C9orf43: variants seen among roughly 807,000 people sequenced by gnomAD.
The protein encoded by C9orf43 is uncharacterized protein C9orf43.
C9orf43 carries 45 observed loss-of-function variants against 59.1 expected under a neutral mutation model. The ratio of observed to expected loss-of-function variants is 0.76; its 90% CI spans 0.60 to 0.98. The LOEUF (loss-of-function observed/expected upper bound fraction) is 0.98, where lower values mean the gene tolerates loss of function less well. Among genes scored for constraint, C9orf43 ranks in the 50% least tolerant of loss-of-function variants. The pLI is 0.00. For synonymous variants in C9orf43, 203 were observed against 196.8 expected, an observed-to-expected ratio of 1.03 and a Z score of -0.26; for missense variants, 533 against 554.9, an observed-to-expected ratio of 0.96 and a Z score of 0.40.
At chr9:113,422,412 T>G in intron 5 of C9orf43, 137 bp from the exon 6 acceptor site, 1 of 1,250,738 alleles carries the variant, frequency 8.0e-7, no homozygotes, top group South Asian at 1.5e-5. Context: ...TGATCAAAGA[T>G]AGGAATCTTT....
intron 3 of C9orf43, among the ~76,000 whole-genome samples, chr9:113,417,502 C>T (rs1360093961): frequency 6.6e-6 from 1 of 152,184 alleles, no homozygotes; most frequent in Non-Finnish European, 1.5e-5. Flanking sequence ...GACTTTCAGC[C>T]TAGTTGGGGA....
rs781633934 is a variant in C9orf43, at chr9:113,423,379, A to T, written c.537A>T (p.Val179=). The change falls in exon 7 of 14, where the codon GTA becomes GTT. Residue 179 remains valine (V), a synonymous_variant. Transcript: ENST00000374165. The stretch of plus-strand genomic sequence containing the variant: ...GAAATCAGTCCGCAGGAACACGAGT[A>T]GGAACACCAGGGATGATCGTGCCTC... ...LSGNQSAGTR[V]GTPGMIVPPP... 2.5e-6 allele frequency: 4 copies of T among 1,614,170 alleles called. No individual in the cohort carries two copies. Among genetic ancestry groups the T allele is most frequent in the African/African-American group, 1.3e-5 (1 of 75,054 alleles).
At position 113,413,533 on chromosome 9, in the gene C9orf43, T is replaced by C. The variant is rs1254650919; in HGVS notation, c.40T>C (p.Cys14Arg). Residue 14 changes from cysteine to arginine, a missense_variant, in exon 2 of 14, where the codon TGT (cysteine) becomes CGT (arginine). Cys to Arg is a radical substitution (Grantham distance 180). Transcript: ENST00000374165. ...PDESQWDETT[C>R]GLAVCQHPQC... ...TGAGAGCCAGTGGGACGAAACCACC[T>C]GTGGCTTGGCTGTTTGTCAGCACCC... 6.2e-7 allele frequency: 1 copy of C among 1,614,104 alleles called. No individual in the cohort carries two copies. Among genetic ancestry groups the C allele is most frequent in the Non-Finnish European group, 8.5e-7 (1 of 1,179,932 alleles).
intron 3 of C9orf43, among the ~76,000 whole-genome samples, chr9:113,418,884 G>A (rs1357089267): frequency 6.6e-6 from 1 of 152,178 alleles, no homozygotes; most frequent in East Asian, 1.9e-4. Context: ...TCTGTTTGAT[G>A]GAACAAATAG....
At chr9:113,416,029 T>A (rs1828342943) in intron 3 of C9orf43, among the ~76,000 whole-genome samples, 2 of 152,226 alleles carry the variant, frequency 1.3e-5, no homozygotes, top group African/African-American at 4.8e-5. Context: ...GCCCGCCATG[T>A]ATAGCGCAGA....
chr9:113,428,101 T>C, intron 11 of C9orf43, 46 bp from the exon 12 acceptor site: 2 of 1,598,272 alleles, frequency 1.3e-6, no homozygotes, highest in Non-Finnish European at 1.7e-6. Context: ...AAATAGGGTA[T>C]GATATGGTAA....
chr9:113,424,408 T>A, intron 8 of C9orf43, 92 bp downstream of exon 8: 1 of 1,377,386 alleles, frequency 7.3e-7, no homozygotes, highest in Non-Finnish European at 9.9e-7. Context: ...CTATTCCTTA[T>A]CTCCCTTCTG....
chr9:113,422,392 C>G (rs1828610222), intron 5 of C9orf43, among the ~76,000 whole-genome samples, 157 bp from the exon 6 acceptor site: 1 of 152,186 alleles, frequency 6.6e-6, no homozygotes, highest in South Asian at 2.1e-4. Flanking sequence ...AACCAGCTAT[C>G]TTTGAGTACT....
rs1446891837 is a variant in C9orf43, at chr9:113,424,971, G to A, written c.808-48G>A. ...CATTTGGGGGATACATTTGGAGAAA[G>A]GGAAAGACCTGCAGTAGAGCTTTTC... On this transcript the variant is annotated intron_variant, in intron 8 of 13. Transcript: ENST00000374165. The A allele has an allele frequency of 2.0e-6, 3 of 1,527,456 alleles. No homozygotes were observed. The African/African-American group carries it at 4.1e-5, about 21-fold the overall frequency. 94.6% of individuals were successfully genotyped at this position (1,527,456 alleles called of 1,614,324 possible).
At chr9:113,425,764 G>C (rs778016915) in intron 11 of C9orf43, 34 bp downstream of exon 11, 1 of 1,514,028 alleles carries the variant, frequency 6.6e-7, no homozygotes, top group Admixed American at 1.7e-5. Context: ...GGGGGTGATA[G>C]GATCCCTGAG....
Position 113,425,405 on chromosome 9 carries a change from ACC to A in C9orf43, c.928_929del (p.Pro310TyrfsTer2), listed in dbSNP as rs59582331. 6.2e-7 allele frequency: 1 copy of A among 1,613,872 alleles called. No homozygotes were observed. Among genetic ancestry groups the A allele is most frequent in the African/African-American group, 1.3e-5 (1 of 75,008 alleles). On this transcript the variant is annotated frameshift_variant, in exon 10 of 14. Transcript: ENST00000374165. LOFTEE classifies it high-confidence loss of function. Reference protein sequence around the residue: ...QQQQQKKVKTPIKKQEAKKKA... With the variant: ...QQQQQKKVKTXIKKQEAKKKA... ...AGCAGCAACAGAAGAAGGTGAAAAC[ACC>A]TATTAAGAAACAGGTAGAGTGGCAG... is the stretch of plus-strand genomic sequence containing the variant.
At chr9:113,425,812 C>T (rs1319561735) in intron 11 of C9orf43, 82 bp downstream of exon 11, 1 of 1,135,982 alleles carries the variant, frequency 8.8e-7, no homozygotes, top group African/African-American at 1.5e-5. Flanking sequence ...TAAACATGCT[C>T]TTGTCATTTT....
At chr9:113,412,207 C>T (rs977588662) in intron 1 of C9orf43, among the ~76,000 whole-genome samples, 1 of 152,206 alleles carries the variant, frequency 6.6e-6, no homozygotes, top group Non-Finnish European at 1.5e-5. Context: ...GGCTGCTCAG[C>T]GCTAGTCAGT....
chr9:113,426,992 G>C (rs1208589762), intron 11 of C9orf43, among the ~76,000 whole-genome samples: 1 of 152,170 alleles, frequency 6.6e-6, no homozygotes. Context: ...GATCACAGCT[G>C]CTCAGGAAAC....
intron 5 of C9orf43, among the ~76,000 whole-genome samples, chr9:113,422,309 A>C (rs527749663): frequency 2.6e-5 from 4 of 152,256 alleles, no homozygotes; most frequent in Admixed American, 2.6e-4. Context: ...ATAATGGGAA[A>C]CCTAATTTAG....
In C9orf43 at chr9:113,424,302, C is replaced by T. The variant is rs148905915; in HGVS notation, c.793C>T (p.Arg265Cys). ...ISSKMFLSIH[R>C]LTLERPALRY... is the part of the protein sequence containing the mutation. Reference sequence around the variant, plus strand: ...TTCTAAGATGTTTCTATCTATACACCGCCTCACCCTGGAAGTAAGAGCTAG... The same window carrying T: ...TTCTAAGATGTTTCTATCTATACACTGCCTCACCCTGGAAGTAAGAGCTAG... The change falls in exon 8 of 14, where the codon CGC (arginine) becomes TGC (cysteine). Residue 265 changes from arginine (R) to cysteine (C), a missense_variant. Arg to Cys is a radical substitution (Grantham distance 180, BLOSUM62 -3). Transcript: ENST00000374165. The T allele has an allele frequency of 2.4e-5, 38 of 1,609,062 alleles. No individual in the cohort carries two copies. Among genetic ancestry groups the T allele is most frequent in the African/African-American group, 2.3e-4 (17 of 74,620 alleles).
chr9:113,426,583 C>T lies in C9orf43; in HGVS notation c.1030+853C>T, dbSNP rs536196353. Among the ~76,000 whole-genome samples, 13 of 152,316 alleles carry T rather than the reference C, an allele frequency of 8.5e-5. No homozygotes were observed. In the East Asian group the frequency reaches 2.3e-3, roughly 27 times the overall value. On this transcript the variant is annotated intron_variant, in intron 11 of 13. Coordinates refer to ENST00000374165, the MANE Select transcript of C9orf43 (RefSeq NM_001278629.2). ...GTTGCCCTCTTGCTTTCCTTCCCAT[C>T]TCACTTAGTTGTCTGATGCCAATGA... is the stretch of plus-strand genomic sequence containing the variant.
In C9orf43 at chr9:113,414,009, G is replaced by T. The variant is rs1228005219; in HGVS notation, c.287+115G>T. On this transcript the variant is annotated intron_variant, in intron 3 of 13. Coordinates refer to ENST00000374165, the MANE Select transcript of C9orf43 (RefSeq NM_001278629.2). ...CTAGATTAAAAAGAAAATACCAATT[G>T]GGTTAAAGAAGTGGTGAATAGGCAG... is the stretch of plus-strand genomic sequence containing the variant. The T allele has an allele frequency of 9.3e-6, 11 of 1,180,524 alleles. No homozygotes were observed. The African/African-American group carries it at 1.4e-4, about 15-fold the overall frequency. The allele number at this position is 1,180,524 out of a possible 1,614,324, so 73.1% of individuals were successfully genotyped here.
Position 113,428,169 on chromosome 9 carries a change from G to C in C9orf43, c.1053G>C (p.Gln351His). Residue 351 changes from glutamine to histidine, a missense_variant, in exon 12 of 14, where the codon CAG (glutamine) becomes CAC (histidine). Gln to His is a conservative substitution (Grantham distance 24). Transcript: ENST00000374165. Reference sequence around the variant, plus strand: ...TAGGTTACAGAACTCTGCCAGGTCAGAACAGTGACATGAAGCAGCAGCAGC... The same window carrying C: ...TAGGTTACAGAACTCTGCCAGGTCACAACAGTGACATGAAGCAGCAGCAGC... The part of the protein sequence containing the change: ...RLYGYRTLPG[Q>H]NSDMKQQQQM... 6.2e-7 allele frequency: 1 copy of C among 1,614,220 alleles called. No individual in the cohort carries two copies. Among genetic ancestry groups the C allele is most frequent in the Non-Finnish European group, 8.5e-7 (1 of 1,180,034 alleles).
Sources: allele counts gnomAD v4.1 joint callset (sites outside exome capture counted in the v4.1 genomes callset), GRCh38; gene constraint gnomAD v4.1.1; transcripts MANE v1.5; gene names NCBI Gene and HGNC (gene_info 2026-07-23, HGNC 2026-07-21).